Variants in FLI1 observed in about 807,000 individuals in gnomAD.
FLI1 encodes the protein Friend leukemia integration 1 transcription factor.
Under a neutral mutation model 53.1 loss-of-function variants are expected in FLI1, and 13 were observed. That is an observed-to-expected ratio of 0.24 (90% CI 0.16 to 0.39). The LOEUF (loss-of-function observed/expected upper bound fraction) is 0.39, where lower values mean the gene tolerates loss of function less well. FLI1 is among the 10% of genes least tolerant of loss of function. The pLI, the probability that FLI1 is intolerant of heterozygous loss-of-function variation, is 1.00. For missense variants in FLI1, 424 were observed against 600.5 expected, an observed-to-expected ratio of 0.71 and a Z score of 3.07; for synonymous variants, 244 against 236.7, an observed-to-expected ratio of 1.03 and a Z score of -0.28.
chr11:128,768,181 C>G lies in FLI1; in HGVS notation c.294C>G (p.Asn98Lys). 6.2e-7 allele frequency: 1 copy of G among 1,613,878 alleles called. No homozygotes were observed. Among genetic ancestry groups the G allele is most frequent in the Non-Finnish European group, 8.5e-7 (1 of 1,179,814 alleles). Residue 98 changes from asparagine (N) to lysine (K), a missense_variant, in exon 3 of 9, where the codon AAC becomes AAG. By Grantham distance (94) the Asn-to-Lys change is moderately conservative. Transcript: ENST00000527786. The part of the protein sequence containing the change: ...CSKLVGGGES[N>K]PMNYNSYMDE... ...AGCTGGTGGGCGGAGGCGAGTCCAA[C>G]CCCATGAACTACAACAGCTATATGG...
chr11:128,742,206 T>A (rs1355281767), intron 1 of FLI1, among the ~76,000 whole-genome samples: 1 of 152,188 alleles, frequency 6.6e-6, no homozygotes, highest in Non-Finnish European at 1.5e-5. Context: ...CTTAGCCAGT[T>A]CCATGGAGGA....
chr11:128,758,349 G>C, intron 2 of FLI1, 23 bp downstream of exon 2: 1 of 1,599,848 alleles, frequency 6.3e-7, no homozygotes, highest in South Asian at 1.1e-5. Flanking sequence ...GGCCTGTGCA[G>C]GATTGGGGGA....
intron 5 of FLI1, among the ~76,000 whole-genome samples, chr11:128,789,621 T>G (rs922596767): frequency 1.3e-5 from 2 of 152,246 alleles, no homozygotes; most frequent in African/African-American, 4.8e-5. Context: ...CCTCGCGATA[T>G]GCACTGCCTG....
chr11:128,799,767 C>T (rs1942572842), intron 5 of FLI1, among the ~76,000 whole-genome samples: 2 of 152,242 alleles, frequency 1.3e-5, no homozygotes, highest in South Asian at 4.1e-4. Flanking sequence ...TGGGAAGGTT[C>T]GGGCAGTGCA....
At chr11:128,784,220 TCTCCTCCTCCTCCTCCTCCTCCTC>T (rs61050928) in intron 5 of FLI1, among the ~76,000 whole-genome samples, 38,530 of 117,984 alleles carry the variant, frequency 0.33, 5,718 homozygotes, top group Middle Eastern at 0.49. Context: ...TTGCTAACCA[TCTCCTCCTCCTCCTCCTCCTCCTC>T]CTCCTCCTCC....
intron 5 of FLI1, among the ~76,000 whole-genome samples, chr11:128,802,688 C>T (rs1252886304): frequency 1.3e-5 from 2 of 152,208 alleles, no homozygotes; most frequent in African/African-American, 4.8e-5. Flanking sequence ...GCACATTGAC[C>T]CATAAAACTC....
intron 1 of FLI1, among the ~76,000 whole-genome samples, chr11:128,699,660 A>G (rs1027358399): frequency 9.2e-5 from 14 of 152,322 alleles, no homozygotes; most frequent in South Asian, 4.1e-4. Context: ...GGATGATATC[A>G]TTAAGTGATG....
At chr11:128,725,410 G>C (rs1036340393) in intron 1 of FLI1, among the ~76,000 whole-genome samples, 1 of 152,142 alleles carries the variant, frequency 6.6e-6, no homozygotes, top group Non-Finnish European at 1.5e-5. Flanking sequence ...ATAACCAAAA[G>C]TCTTGGCCCC....
intron 5 of FLI1, among the ~76,000 whole-genome samples, chr11:128,795,103 A>G (rs1942393214): frequency 1.3e-5 from 2 of 152,218 alleles, no homozygotes; most frequent in South Asian, 4.1e-4. Flanking sequence ...CAGAGGCTTA[A>G]CATGCCTCTT....
intron 1 of FLI1, among the ~76,000 whole-genome samples, chr11:128,750,730 C>T (rs78297422): frequency 0.013 from 2,027 of 152,274 alleles, 43 homozygotes; most frequent in African/African-American, 0.046. Context: ...AACTCATGTG[C>T]ACATGAAAAG....
At chr11:128,744,696 G>A (rs1291478872) in intron 1 of FLI1, among the ~76,000 whole-genome samples, 5 of 152,190 alleles carry the variant, frequency 3.3e-5, no homozygotes, top group Non-Finnish European at 5.9e-5. Context: ...TGTGGGTGCT[G>A]TCATTGTGCC....
intron 2 of FLI1, among the ~76,000 whole-genome samples, chr11:128,760,484 G>A (rs1299566431): frequency 2.0e-5 from 3 of 148,344 alleles, no homozygotes; most frequent in Non-Finnish European, 4.5e-5. Context: ...AGCTCCCAAT[G>A]CTTGTTGAAG....
At chr11:128,786,153 C>T (rs997280896) in intron 5 of FLI1, among the ~76,000 whole-genome samples, 2 of 152,092 alleles carry the variant, frequency 1.3e-5, no homozygotes, top group Non-Finnish European at 2.9e-5. Flanking sequence ...TTCATATAAG[C>T]CAAGCTGCAG....
At position 128,727,047 on chromosome 11, in the gene FLI1, C is replaced by T. The variant is rs184273108; in HGVS notation, c.19-31068C>T. ...TGCCACTCTTGAAGGTCCTGCCTGG[C>T]GTTAATATTTGGATATATTTTCAAA... is the stretch of plus-strand genomic sequence containing the variant. On this transcript the variant is annotated intron_variant, in intron 1 of 8. Coordinates refer to ENST00000527786, the MANE Select transcript of FLI1 (RefSeq NM_002017.5). Among the ~76,000 whole-genome samples, 251 of 152,128 alleles carry T rather than the reference C, an allele frequency of 1.6e-3. 1 individual carries two copies. The highest frequency in any genetic ancestry group is 2.9e-3 in the East Asian group (15 of 5,176).
intron 1 of FLI1, among the ~76,000 whole-genome samples, chr11:128,757,112 C>CTTTCTTTCTTTCTT (rs1940923206): frequency 1.4e-5 from 2 of 141,068 alleles, no homozygotes; most frequent in Non-Finnish European, 3.1e-5. Context: ...TTCTTTCTTT[C>CTTTCTTTCTTTCTT]TCTCTTTCTG....
chr11:128,746,061 T>C (rs1243214825), intron 1 of FLI1, among the ~76,000 whole-genome samples: 1 of 152,054 alleles, frequency 6.6e-6, no homozygotes, highest in Non-Finnish European at 1.5e-5. Context: ...AGGCAAGCCT[T>C]GGGGGAAGGC....
At chr11:128,737,115 G>A (rs183591382) in intron 1 of FLI1, among the ~76,000 whole-genome samples, 3 of 152,152 alleles carry the variant, frequency 2.0e-5, no homozygotes, top group Admixed American at 6.5e-5. Flanking sequence ...TAGGGACTTC[G>A]GAAAGCCCTT....
chr11:128,773,225 G>A (rs1941629505), intron 4 of FLI1, among the ~76,000 whole-genome samples: 1 of 152,154 alleles, frequency 6.6e-6, no homozygotes, highest in South Asian at 2.1e-4. Context: ...TGACCTGGAG[G>A]GGTCTGGCAG....
intron 1 of FLI1, among the ~76,000 whole-genome samples, chr11:128,740,952 C>T (rs1220997946): frequency 2.0e-5 from 3 of 152,152 alleles, no homozygotes; most frequent in African/African-American, 7.2e-5. Context: ...CGTTCTCATG[C>T]CAACGTTGTT....
Sources: gnomAD v4.1 joint callset for allele counts (sites outside exome capture counted in the v4.1 genomes callset) on GRCh38, gnomAD v4.1.1 for gene constraint, MANE v1.5 for transcripts, NCBI Gene and HGNC (gene_info 2026-07-23, HGNC 2026-07-21) for gene names.